ABCA4: variants seen among roughly 807,000 people sequenced by gnomAD.
ABCA4 encodes retinal-specific phospholipid-transporting ATPase ABCA4.
In ABCA4, 196 loss-of-function variants were observed where a neutral mutation model predicts 263.7. The observed-to-expected ratio is 0.74, with a 90% CI of 0.66 to 0.84. ABCA4 has a LOEUF of 0.84. ABCA4 is among the 40% of genes least tolerant of loss of function. The pLI is 0.00. For missense variants in ABCA4, 2,792 were observed against 2,855.1 expected (o/e 0.98, Z 0.50); for synonymous variants, 1,133 against 1,094.2 (o/e 1.04, Z -0.70).
chr1:94,117,427 T>C (rs969590872), intron 1 of ABCA4, among the ~76,000 whole-genome samples: 10 of 151,810 alleles, frequency 6.6e-5, no homozygotes, highest in African/African-American at 1.7e-4. Context: ...TGCTCCAGGG[T>C]GTGGTGTCCA....
chr1:94,116,684 A>G (rs1401599461), intron 1 of ABCA4, among the ~76,000 whole-genome samples: 1 of 152,082 alleles, frequency 6.6e-6, no homozygotes, highest in Non-Finnish European at 1.5e-5. Flanking sequence ...TTCCAAAATC[A>G]TGCTCAGCTT....
At chr1:94,075,202 T>C (rs891365885) in intron 11 of ABCA4, among the ~76,000 whole-genome samples, 1 of 152,004 alleles carries the variant, frequency 6.6e-6, no homozygotes, top group Non-Finnish European at 1.5e-5. Context: ...TTAGGACAAA[T>C]AGCTAATGCA....
intron 23 of ABCA4, among the ~76,000 whole-genome samples, 193 bp from the exon 24 acceptor site, chr1:94,040,320 T>C (rs978509569): frequency 6.6e-5 from 10 of 152,164 alleles, no homozygotes; most frequent in Non-Finnish European, 1.5e-4. Flanking sequence ...GATTTTATCC[T>C]AGAGAGTGTG....
intron 6 of ABCA4, among the ~76,000 whole-genome samples, chr1:94,094,496 C>T (rs935338989): frequency 6.6e-6 from 1 of 152,112 alleles, no homozygotes; most frequent in African/African-American, 2.4e-5. Context: ...CTGAATCATG[C>T]CACACTGGAA....
At chr1:94,039,621 T>C (rs1396002099) in intron 24 of ABCA4, among the ~76,000 whole-genome samples, 1 of 152,130 alleles carries the variant, frequency 6.6e-6, no homozygotes, top group Non-Finnish European at 1.5e-5. Flanking sequence ...TTTCCAGACT[T>C]GCCATCCACA....
intron 3 of ABCA4, 45 bp downstream of exon 3, chr1:94,111,393 G>A (rs779849492): frequency 5.0e-6 from 8 of 1,607,696 alleles, no homozygotes; most frequent in Non-Finnish European, 6.8e-6. Flanking sequence ...CACGTGAAGG[G>A]GTGTGCAACT....
At chr1:94,060,478 G>C in intron 14 of ABCA4, 59 bp downstream of exon 14, 1 of 1,491,968 alleles carries the variant, frequency 6.7e-7, no homozygotes, top group Non-Finnish European at 9.3e-7. Flanking sequence ...ATGAACAGGA[G>C]GAAAGGGGAA....
chr1:94,062,527 A>G (rs1290956911), intron 13 of ABCA4, 50 bp downstream of exon 13: 5 of 1,262,068 alleles, frequency 4.0e-6, no homozygotes, highest in Admixed American at 3.6e-5. Context: ...AGCCCACTCC[A>G]GCACCCCCAT....
chr1:94,078,730 C>G (rs1557794394), intron 9 of ABCA4, 24 bp from the exon 10 acceptor site: 1 of 1,518,776 alleles, frequency 6.6e-7, no homozygotes, highest in Non-Finnish European at 9.2e-7. Flanking sequence ...GAGATCAAGA[C>G]AGAGACACGA....
At position 94,019,701 on chromosome 1, in the gene ABCA4, C is replaced by T. The variant is rs61750563; in HGVS notation, c.5077G>A (p.Val1693Ile). The T allele has an allele frequency of 1.7e-4, 282 of 1,613,704 alleles. No homozygotes were observed. The African/African-American group carries it at 2.8e-3, about 16-fold the overall frequency. ...AAATAAAGGACAAAGCTGGCTGGGA[C>T]GAAGGACATGGAGAAAATCACGCAG... ...AICVIFSMSF[V>I]PASFVLYLIQ... Residue 1693 changes from valine to isoleucine, a missense_variant, in exon 36 of 50, where the codon GTC becomes ATC. Coordinates refer to ENST00000370225, the MANE Select transcript of ABCA4 (RefSeq NM_000350.3).
intron 6 of ABCA4, among the ~76,000 whole-genome samples, chr1:94,092,897 G>T (rs1245471397): frequency 6.6e-6 from 1 of 152,198 alleles, no homozygotes; most frequent in Non-Finnish European, 1.5e-5. Context: ...TTTGTTCAAA[G>T]TGTTTTTCCA....
chr1:94,024,924 G>A, intron 31 of ABCA4, 30 bp downstream of exon 31: 1 of 1,560,748 alleles, frequency 6.4e-7, no homozygotes, highest in East Asian at 2.2e-5. Context: ...AGGGAGCCAG[G>A]ATAAAAAGCA....
chr1:94,063,228 C>T lies in ABCA4; in HGVS notation c.1644G>A (p.Trp548Ter). 1 of 1,614,098 alleles carries T rather than the reference C, an allele frequency of 6.2e-7. No homozygotes were observed. Among genetic ancestry groups the T allele is most frequent in the Non-Finnish European group, 8.5e-7 (1 of 1,180,018 alleles). The change falls in exon 12 of 50, where the codon TGG (tryptophan) becomes TGA (stop). Residue 548 changes from tryptophan to a stop codon, truncating the protein, a stop_gained. Coordinates refer to ENST00000370225, the MANE Select transcript of ABCA4 (RefSeq NM_000350.3). LOFTEE classifies it high-confidence loss of function. ...ACATGTCAGGGAATACCACTCCGGCCCAGAACATGTTTTCCTCCAGTAGAG... is the reference window on the plus strand; with the variant it reads ...ACATGTCAGGGAATACCACTCCGGCTCAGAACATGTTTTCCTCCAGTAGAG... ...ALSLLEENMFWAGVVFPDMYP... is the reference protein window; with the variant it reads ...ALSLLEENMF
intron 42 of ABCA4, 40 bp from the exon 43 acceptor site, chr1:94,007,780 A>G: frequency 6.4e-7 from 1 of 1,572,030 alleles, no homozygotes; most frequent in Non-Finnish European, 8.8e-7. Context: ...CTAGAGATCA[A>G]GAAGGTCTAA....
chr1:94,046,740 A>G (rs1320408126), intron 19 of ABCA4, among the ~76,000 whole-genome samples, 179 bp downstream of exon 19: 1 of 152,234 alleles, frequency 6.6e-6, no homozygotes, highest in Non-Finnish European at 1.5e-5. Context: ...CTACCTCCCC[A>G]TCAAGAGAAT....
rs35998587 is a variant in ABCA4, at chr1:94,028,930, A to AAAAAAAAAAC, written c.4539+514_4539+515insGTTTTTTTTT. Among the ~76,000 whole-genome samples the AAAAAAAAAAC allele has an allele frequency of 6.3e-4, 68 of 108,030 alleles. 8 individuals carry two copies. The highest frequency in any genetic ancestry group is 1.1e-3 in the African/African-American group (30 of 26,356). The allele number at this position is 108,030 out of a possible 152,430, so 70.9% of individuals were successfully genotyped here. On this transcript the variant is annotated intron_variant, in intron 30 of 49. Coordinates refer to ENST00000370225, the MANE Select transcript of ABCA4 (RefSeq NM_000350.3). ...TCAAAAAAAAAAAAAAAAAAAAAAA[A>AAAAAAAAAAC]GAAATTCAAACAATGGGATAATATA... is the stretch of plus-strand genomic sequence containing the variant.
chr1:94,046,920 A>G lies in ABCA4; in HGVS notation c.2917T>C (p.Leu973=). ...CAGCTTCTCTGCTGGAAGACTCACA[A>G]GGTGGTGGTTTTCCCAGCTCCATTG... is the stretch of plus-strand genomic sequence containing the variant. ...GHNGAGKTTT[L]SILTGLLPPT... Residue 973 remains leucine, a splice_region_variant and synonymous_variant, in exon 19 of 50, where the codon TTG becomes CTG. Coordinates refer to ENST00000370225, the MANE Select transcript of ABCA4 (RefSeq NM_000350.3). 6.2e-7 allele frequency: 1 copy of G among 1,614,094 alleles called. No homozygotes were observed. Among genetic ancestry groups the G allele is most frequent in the Non-Finnish European group, 8.5e-7 (1 of 1,180,022 alleles).
At chr1:94,009,400 T>C (rs1003509094) in intron 40 of ABCA4, among the ~76,000 whole-genome samples, 1 of 152,068 alleles carries the variant, frequency 6.6e-6, no homozygotes, top group Non-Finnish European at 1.5e-5. Flanking sequence ...CTCAAAACCT[T>C]CTGTTGTTCC....
intron 22 of ABCA4, among the ~76,000 whole-genome samples, chr1:94,042,098 C>CAAAAAAAAAAAAAAAAAAAA (rs11334956): frequency 2.5e-5 from 2 of 81,266 alleles, no homozygotes; most frequent in African/African-American, 9.9e-5. Flanking sequence ...GATTCTGTCT[C>CAAAAAAAAAAAAAAAAAAAA]AAAAAAAAAA....
Sources: allele counts gnomAD v4.1 joint callset (sites outside exome capture counted in the v4.1 genomes callset), GRCh38; gene constraint gnomAD v4.1.1; transcripts MANE v1.5; gene names NCBI Gene and HGNC (gene_info 2026-07-23, HGNC 2026-07-21).